The following USP8 variants were observed in gnomAD, a reference collection of about 807,000 sequenced individuals.
The protein encoded by USP8 is ubiquitin specific peptidase 8, also known as ubiquitin carboxyl-terminal hydrolase 8.
A neutral mutation model predicts 130.0 loss-of-function variants in USP8; 27 were observed. The ratio of observed to expected loss-of-function variants is 0.21; its 90% CI spans 0.15 to 0.29. USP8 has a LOEUF of 0.29. Ranked by LOEUF, USP8 falls within the 10% of genes least tolerant of loss-of-function variation. The pLI is 1.00. For synonymous variants in USP8, 392 were observed against 444.1 expected, an observed-to-expected ratio of 0.88 and a Z score of 1.48; for missense variants, 1,029 against 1,312.2, an observed-to-expected ratio of 0.78 and a Z score of 3.33.
intron 4 of USP8, among the ~76,000 whole-genome samples, chr15:50,457,643 A>C (rs2050834294): frequency 1.3e-5 from 2 of 151,508 alleles, no homozygotes; most frequent in Admixed American, 1.3e-4. Flanking sequence ...CAGGTGGGTC[A>C]CCTGAGGTTA....
rs1188380146 is a variant in USP8, at chr15:50,484,363, T to TA, written c.1890+4dup. The TA allele has an allele frequency of 6.2e-7, 1 of 1,607,400 alleles. No homozygotes were observed. The highest frequency in any genetic ancestry group is 8.5e-7 in the Non-Finnish European group (1 of 1,177,612). On this transcript the variant is annotated splice_region_variant and intron_variant, in intron 12 of 19. Transcript: ENST00000307179. The stretch of plus-strand genomic sequence containing the variant: ...ACAGACGATACCGAAAGAAATAAAG[T>TA]AAGTAGTTTATTGCAGGAAAAAACT...
At position 50,481,461 on chromosome 15, in the gene USP8, C is replaced by T; in HGVS notation, c.1219-20C>T. ...CCTGATTTTTGACAAAAATGTTTTG[C>T]TCTGGTTTTGTTGCTCTAGATTGAT... On this transcript the variant is annotated intron_variant, in intron 10 of 19. Coordinates refer to ENST00000307179, the MANE Select transcript of USP8 (RefSeq NM_005154.5). 1.3e-6 allele frequency: 2 copies of T among 1,490,224 alleles called. No individual in the cohort carries two copies. The highest frequency in any genetic ancestry group is 1.4e-5 in the South Asian group (1 of 71,078). 92.3% of individuals were successfully genotyped at this position (1,490,224 alleles called of 1,614,324 possible).
Position 50,506,316 on chromosome 15 carries a change from T to G in USP8, c.*7228T>G, listed in dbSNP as rs2052657654. On this transcript the variant is annotated 3_prime_UTR_variant, in exon 20 of 20. Transcript: ENST00000307179. ...GAGCACCGCCTCCTGTCAGATCAGC[T>G]GCTGCATTAGATTCTCACAGCAGCA... The G allele has an allele frequency of 6.6e-6, 1 of 152,312 alleles. No individual in the cohort carries two copies. Among genetic ancestry groups the G allele is most frequent in the African/African-American group, 2.4e-5 (1 of 41,462 alleles). The allele number at this position is 152,312 out of a possible 1,614,324, so 9.4% of individuals were successfully genotyped here. A position where few individuals can be genotyped will look rare whatever the true frequency, so the allele number is the denominator to read the frequency against.
intron 4 of USP8, among the ~76,000 whole-genome samples, chr15:50,458,052 A>G (rs1217320521): frequency 1.3e-5 from 2 of 152,120 alleles, no homozygotes; most frequent in Non-Finnish European, 2.9e-5. Context: ...TTTGAAGCTC[A>G]CAGACATTGC....
At chr15:50,427,835 A>T (rs2049793386) in intron 1 of USP8, among the ~76,000 whole-genome samples, 1 of 151,108 alleles carries the variant, frequency 6.6e-6, no homozygotes, top group Non-Finnish European at 1.5e-5. Flanking sequence ...CTGGGATTAT[A>T]GCCGTGAGCC....
intron 2 of USP8, 78 bp from the exon 3 acceptor site, chr15:50,441,271 T>C: frequency 7.4e-7 from 1 of 1,354,700 alleles, no homozygotes; most frequent in Non-Finnish European, 9.7e-7. Flanking sequence ...ATAAAGATTA[T>C]CTGTGGACTT....
At chr15:50,492,603 G>C in intron 14 of USP8, 98 bp from the exon 15 acceptor site, 2 of 1,177,714 alleles carry the variant, frequency 1.7e-6, no homozygotes, top group Non-Finnish European at 2.4e-6. Flanking sequence ...CAAGATGCCT[G>C]TGGTACAGGT....
rs1555393308 is a variant in USP8, at chr15:50,498,883, T to TTTCTA, written c.3172-19_3172-18insTCTAT. The TTTCTA allele has an allele frequency of 1.3e-6, 2 of 1,568,316 alleles. No homozygotes were observed. The highest frequency in any genetic ancestry group is 1.4e-5 in the African/African-American group (1 of 72,762). ...CAATTTTAACTGAATTGATTTTTTT[T>TTTCTA]TCTATCTTGTTTGGCACAGAATCAC... is the stretch of plus-strand genomic sequence containing the variant. On this transcript the variant is annotated intron_variant, in intron 19 of 19. Transcript: ENST00000307179.
chr15:50,449,761 T>G (rs1198174611), intron 4 of USP8, among the ~76,000 whole-genome samples: 1 of 151,392 alleles, frequency 6.6e-6, no homozygotes, highest in Non-Finnish European at 1.5e-5. Context: ...TTTTGTATTT[T>G]TAGTAGAGAC....
intron 3 of USP8, among the ~76,000 whole-genome samples, chr15:50,448,100 A>G (rs2050500662): frequency 6.6e-6 from 1 of 152,166 alleles, no homozygotes; most frequent in Admixed American, 6.6e-5. Flanking sequence ...TTGTATCATC[A>G]GTAATCTAGA....
chr15:50,470,309 G>C (rs566774365), intron 7 of USP8, among the ~76,000 whole-genome samples: 4 of 152,258 alleles, frequency 2.6e-5, no homozygotes, highest in Admixed American at 1.3e-4. Context: ...TGAGTGCCTT[G>C]GAAATGGGAA....
intron 9 of USP8, 85 bp from the exon 10 acceptor site, chr15:50,477,191 T>C (rs2051595186): frequency 7.5e-7 from 1 of 1,327,604 alleles, no homozygotes; most frequent in Non-Finnish European, 1.0e-6. Context: ...TTACATTTAA[T>C]TACTGCATTA....
At chr15:50,470,045 C>T (rs1282504002) in intron 7 of USP8, among the ~76,000 whole-genome samples, 1 of 152,118 alleles carries the variant, frequency 6.6e-6, no homozygotes, top group Non-Finnish European at 1.5e-5. Context: ...GTTGGCCAGG[C>T]TGGTCTCGAA....
At chr15:50,492,517 G>A (rs374975749) in intron 14 of USP8, among the ~76,000 whole-genome samples, 184 bp from the exon 15 acceptor site, 44 of 152,272 alleles carry the variant, frequency 2.9e-4, no homozygotes, top group African/African-American at 9.4e-4. Flanking sequence ...GACCTTAGTC[G>A]TATGACTAAT....
chr15:50,454,576 C>T (rs1180956222), intron 4 of USP8, among the ~76,000 whole-genome samples: 1 of 151,596 alleles, frequency 6.6e-6, no homozygotes, highest in Non-Finnish European at 1.5e-5. Flanking sequence ...CTATCTTAGC[C>T]TCCCAAGTAG....
chr15:50,453,335 T>TATA (rs1260923042), intron 4 of USP8, among the ~76,000 whole-genome samples: 2 of 152,278 alleles, frequency 1.3e-5, no homozygotes, highest in African/African-American at 4.8e-5. Context: ...ATAAATCTAT[T>TATA]GTTTTCCCAG....
intron 12 of USP8, 37 bp from the exon 13 acceptor site, chr15:50,489,764 A>C (rs1335059929): frequency 1.5e-6 from 2 of 1,339,442 alleles, no homozygotes; most frequent in Non-Finnish European, 2.0e-6. Context: ...ATTTAAAAAA[A>C]ATTTTTTTTT....
chr15:50,485,116 A>C (rs1205289053), intron 12 of USP8, among the ~76,000 whole-genome samples: 2 of 152,188 alleles, frequency 1.3e-5, no homozygotes, highest in Admixed American at 1.3e-4. Context: ...TTAAGATGGT[A>C]AATTTTATGT....
intron 1 of USP8, 78 bp from the exon 2 acceptor site, chr15:50,438,931 G>A (rs1450149573): frequency 5.2e-6 from 3 of 582,324 alleles, no homozygotes; most frequent in African/African-American, 3.9e-5. Context: ...ATATGGTTTA[G>A]GAATTTTTTT....
Sources: allele counts gnomAD v4.1 joint callset (sites outside exome capture counted in the v4.1 genomes callset), GRCh38; gene constraint gnomAD v4.1.1; transcripts MANE v1.5; gene names NCBI Gene and HGNC (gene_info 2026-07-23, HGNC 2026-07-21).